Variants in STK31 observed in about 807,000 individuals in gnomAD.
The protein encoded by STK31 is serine/threonine kinase 31.
In STK31, 89 loss-of-function variants were observed where a neutral mutation model predicts 129.7. The observed-to-expected ratio is 0.69, with a 90% CI of 0.58 to 0.82. The LOEUF (loss-of-function observed/expected upper bound fraction) is 0.82. STK31 is among the 40% of genes least tolerant of loss of function. The pLI, the probability that STK31 is intolerant of heterozygous loss-of-function variation, is 0.00. For missense variants in STK31, 1,187 were observed against 1,176.4 expected (o/e 1.01, Z -0.13); for synonymous variants, 448 against 395.3 (o/e 1.13, Z -1.58).
chr7:23,813,514 G>A (rs1165159404), intron 22 of STK31, among the ~76,000 whole-genome samples: 1 of 152,116 alleles, frequency 6.6e-6, no homozygotes. Context: ...TTTTATTTTA[G>A]CAGGCAGTCA....
At chr7:23,806,483 A>G (rs1307149390) in intron 22 of STK31, among the ~76,000 whole-genome samples, 2 of 152,202 alleles carry the variant, frequency 1.3e-5, no homozygotes, top group Non-Finnish European at 2.9e-5. Flanking sequence ...ACTAAGATAA[A>G]TGGAGAGAAA....
chr7:23,783,413 T>G (rs1791056014), intron 16 of STK31, among the ~76,000 whole-genome samples, 170 bp from the exon 17 acceptor site: 1 of 152,136 alleles, frequency 6.6e-6, no homozygotes, highest in Non-Finnish European at 1.5e-5. Context: ...AGATGCAAGG[T>G]GAGTCGTGGT....
chr7:23,794,849 G>A (rs959111092), intron 22 of STK31, among the ~76,000 whole-genome samples: 1 of 152,184 alleles, frequency 6.6e-6, no homozygotes, highest in African/African-American at 2.4e-5. Context: ...AAATTTCTAA[G>A]CAGCAAAGTG....
At chr7:23,749,561 C>T (rs533758387) in intron 8 of STK31, among the ~76,000 whole-genome samples, 3 of 151,056 alleles carry the variant, frequency 2.0e-5, no homozygotes, top group Admixed American at 6.6e-5. Context: ...TCTTGTTGCC[C>T]AGGCTGGTCT....
At chr7:23,829,693 T>C (rs982803575) in intron 23 of STK31, among the ~76,000 whole-genome samples, 3 of 152,114 alleles carry the variant, frequency 2.0e-5, no homozygotes, top group African/African-American at 7.2e-5. Flanking sequence ...TTTGCAGTAG[T>C]TTGAGGATAA....
chr7:23,827,190 G>A (rs1185808651), intron 23 of STK31, among the ~76,000 whole-genome samples: 2 of 152,210 alleles, frequency 1.3e-5, no homozygotes, highest in Admixed American at 6.5e-5. Flanking sequence ...GCTGAAGAGT[G>A]TTTTCCAACT....
At chr7:23,829,955 G>T (rs547139820) in intron 23 of STK31, among the ~76,000 whole-genome samples, 1 of 151,826 alleles carries the variant, frequency 6.6e-6, no homozygotes, top group Non-Finnish European at 1.5e-5. Flanking sequence ...GTATTTTTTT[G>T]TTTGTTTGTT....
rs1162137931 is a variant in STK31 at position 23,721,516 on chromosome 7, T to C, written c.249+3937T>C. ...TAAGCTGATTACCCACAAATATGTA[T>C]GTGTTAGTTCTCTGTTTAACTCTCT... On this transcript the variant is annotated intron_variant, in intron 4 of 23. Coordinates refer to ENST00000355870, the MANE Select transcript of STK31 (RefSeq NM_031414.5). The C allele has an allele frequency of 2.7e-5, 27 of 988,204 alleles. No individual in the cohort carries two copies. In the Middle Eastern group the frequency reaches 1.5e-3, roughly 56 times the overall value. The allele number at this position is 988,204 out of a possible 1,614,324, so 61.2% of individuals were successfully genotyped here.
chr7:23,815,099 G>A (rs1334238418), intron 22 of STK31, 45 bp from the exon 23 acceptor site: 6 of 1,435,584 alleles, frequency 4.2e-6, no homozygotes, highest in African/African-American at 1.4e-5. Context: ...ATAGATTGGC[G>A]TATTAATACA....
rs1171568592 is a variant in STK31 at position 23,750,067 on chromosome 7, T to TCCCCCCCCCCC, written c.1018-2642_1018-2641insCCCCCCCCCCC. ...CTGGGATATTTCAGAATGGTTTGTT[T>TCCCCCCCCCCC]CCCCCCCCGCCACTGCTGGAAACAT... On this transcript the variant is annotated intron_variant, in intron 8 of 23. Transcript: ENST00000355870. Among the ~76,000 whole-genome samples, 398 of 90,302 alleles carry TCCCCCCCCCCC rather than the reference T, an allele frequency of 4.4e-3. 35 individuals are homozygous for TCCCCCCCCCCC. Among genetic ancestry groups the TCCCCCCCCCCC allele is most frequent in the Middle Eastern group, 0.011 (2 of 180 alleles). 59.2% of individuals were successfully genotyped at this position (90,302 alleles called of 152,430 possible). A position where few individuals can be genotyped will look rare whatever the true frequency, so the allele number is the denominator to read the frequency against.
At chr7:23,790,987 ATT>A in intron 22 of STK31, 41 bp downstream of exon 22, 1 of 1,338,122 alleles carries the variant, frequency 7.5e-7, no homozygotes, top group Non-Finnish European at 9.8e-7. Flanking sequence ...ATATATATAT[ATT>A]TCAGTATATA....
intron 23 of STK31, among the ~76,000 whole-genome samples, chr7:23,827,431 A>G (rs985122319): frequency 1.3e-5 from 2 of 151,960 alleles, no homozygotes; most frequent in Non-Finnish European, 2.9e-5. Flanking sequence ...TTCTCGTGCC[A>G]TGGTTTTCAG....
At chr7:23,824,352 T>A (rs1793977001) in intron 23 of STK31, among the ~76,000 whole-genome samples, 2 of 152,224 alleles carry the variant, frequency 1.3e-5, no homozygotes, top group South Asian at 4.1e-4. Context: ...TTTATTCTCT[T>A]TGAAGCAATT....
At chr7:23,730,201 G>T (rs1343309176) in intron 6 of STK31, among the ~76,000 whole-genome samples, 1 of 152,166 alleles carries the variant, frequency 6.6e-6, no homozygotes, top group African/African-American at 2.4e-5. Context: ...ACATTGGAAA[G>T]TAATCAGATT....
intron 16 of STK31, among the ~76,000 whole-genome samples, chr7:23,781,987 A>T (rs1346742714): frequency 1.3e-5 from 2 of 152,246 alleles, no homozygotes; most frequent in Non-Finnish European, 2.9e-5. Context: ...TAGTTGAAGA[A>T]TGTAACAAAA....
intron 8 of STK31, among the ~76,000 whole-genome samples, chr7:23,747,515 G>A (rs925202364): frequency 9.9e-5 from 15 of 151,908 alleles, no homozygotes; most frequent in Admixed American, 1.3e-4. Context: ...GACTACAGGC[G>A]CCCGCCACCA....
chr7:23,723,760 A>G (rs915942103), intron 4 of STK31, among the ~76,000 whole-genome samples: 15 of 152,316 alleles, frequency 9.8e-5, no homozygotes, highest in Non-Finnish European at 1.8e-4. Flanking sequence ...ATGAGAACAG[A>G]TAAGTCTATC....
At chr7:23,830,077 G>A (rs1041628773) in intron 23 of STK31, among the ~76,000 whole-genome samples, 3 of 151,746 alleles carry the variant, frequency 2.0e-5, no homozygotes, top group Admixed American at 6.6e-5. Context: ...AGCCTTCCAC[G>A]TAGCTGGGAC....
At chr7:23,765,881 T>G (rs1241759601) in intron 11 of STK31, among the ~76,000 whole-genome samples, 1 of 152,150 alleles carries the variant, frequency 6.6e-6, no homozygotes, top group Non-Finnish European at 1.5e-5. Context: ...CTTATCTGCC[T>G]TTGGTGTCTT....
Sources: gnomAD v4.1 joint callset for allele counts (sites outside exome capture counted in the v4.1 genomes callset) on GRCh38, gnomAD v4.1.1 for gene constraint, MANE v1.5 for transcripts, NCBI Gene and HGNC (gene_info 2026-07-23, HGNC 2026-07-21) for gene names.